The following NIPAL3 variants were observed in gnomAD, a reference collection of about 807,000 sequenced individuals.
NIPAL3 encodes the protein NIPA-like protein 3.
In NIPAL3, 41 loss-of-function variants were observed where a neutral mutation model predicts 47.2. That is an observed-to-expected ratio of 0.87 (90% CI 0.68 to 1.13). The LOEUF (loss-of-function observed/expected upper bound fraction) is 1.13. NIPAL3 is among the 50% of genes most tolerant of loss of function. The pLI is 0.00. For missense variants in NIPAL3, 449 were observed against 530.1 expected, an observed-to-expected ratio of 0.85 and a Z score of 1.50; for synonymous variants, 194 against 209.6, an observed-to-expected ratio of 0.93 and a Z score of 0.64.
rs1646890161 is a variant in NIPAL3 at position 24,471,217 on chromosome 1, A to G, written c.*2032A>G. 6.6e-6 allele frequency: 1 copy of G among 152,442 alleles called. No individual in the cohort carries two copies. Among genetic ancestry groups the G allele is most frequent in the Non-Finnish European group, 1.5e-5 (1 of 68,246 alleles). The allele number at this position is 152,442 out of a possible 1,614,324, so 9.4% of individuals were successfully genotyped here. On this transcript the variant is annotated 3_prime_UTR_variant, in exon 12 of 12. Coordinates refer to ENST00000374399, the MANE Select transcript of NIPAL3 (RefSeq NM_020448.5). ...GGGGCCAGCATTTGCAAAGGCACAG[A>G]GCTAAGAGGAGCTGGGCAAAGAAAG...
Position 24,451,739 on chromosome 1 carries a change from G to C in NIPAL3, c.541-1669G>C. Among the ~76,000 whole-genome samples, 1 of 152,008 alleles carries C rather than the reference G, an allele frequency of 6.6e-6. No individual in the cohort carries two copies. Among genetic ancestry groups the C allele is most frequent in the East Asian group, 1.9e-4 (1 of 5,180 alleles). On this transcript the variant is annotated intron_variant, in intron 6 of 11. Transcript: ENST00000374399. This position sits in a 1 kb window ranked among gnomAD's most constrained non-coding sequence, Gnocchi z 4.5. ...AAAGAAAAAAAAAATCATGGAGAAT[G>C]GCTGAAGAATTGGGACCCCTCAAAT...
intron 10 of NIPAL3, 89 bp downstream of exon 10, chr1:24,460,633 C>T (rs1646428201): frequency 9.1e-6 from 10 of 1,098,702 alleles, no homozygotes; most frequent in Non-Finnish European, 1.3e-5. Flanking sequence ...GCTACAGCCG[C>T]CCCATCCTTT....
At chr1:24,456,108 T>C in intron 7 of NIPAL3, 30 bp from the exon 8 acceptor site, 1 of 1,613,440 alleles carries the variant, frequency 6.2e-7, no homozygotes, top group South Asian at 1.1e-5. Context: ...TCCCTGAGGC[T>C]CCCCATTCGC....
intron 9 of NIPAL3, among the ~76,000 whole-genome samples, chr1:24,460,151 C>T (rs1024523985): frequency 1.3e-5 from 2 of 152,182 alleles, no homozygotes; most frequent in Non-Finnish European, 2.9e-5. Context: ...CGTTTTCCTG[C>T]TTTGATTATG....
chr1:24,466,295 T>C, intron 11 of NIPAL3: 1 of 420,928 alleles, frequency 2.4e-6, no homozygotes, highest in Non-Finnish European at 4.2e-6. Flanking sequence ...AAAAGGGTTT[T>C]TTTCCTAAAA....
chr1:24,420,892 T>C (rs1478892859), intron 2 of NIPAL3, among the ~76,000 whole-genome samples: 1 of 152,246 alleles, frequency 6.6e-6, no homozygotes, highest in Non-Finnish European at 1.5e-5. Flanking sequence ...GATATAGTCA[T>C]ATAGGTACAA....
intron 6 of NIPAL3, among the ~76,000 whole-genome samples, chr1:24,452,048 T>C (rs181279289): frequency 6.6e-6 from 1 of 152,308 alleles, no homozygotes; most frequent in African/African-American, 2.4e-5. Context: ...CCCATTAATG[T>C]TTCTGGGTTT....
At position 24,449,755 on chromosome 1, in the gene NIPAL3, C is replaced by G; in HGVS notation, c.540+129C>G. 1 of 1,020,420 alleles carries G rather than the reference C, an allele frequency of 9.8e-7. No individual in the cohort carries two copies. Among genetic ancestry groups the G allele is most frequent in the Non-Finnish European group, 1.4e-6 (1 of 711,148 alleles). The allele number at this position is 1,020,420 out of a possible 1,614,324, so 63.2% of individuals were successfully genotyped here. ...GGCACATTTTACCAGCATGAAAGAC[C>G]GTGCTTCTGGAGAGTACACAGCTCA... On this transcript the variant is annotated intron_variant, in intron 6 of 11. Transcript: ENST00000374399. This position sits in a 1 kb window ranked among gnomAD's most constrained non-coding sequence, Gnocchi z 4.5.
In NIPAL3 at chr1:24,454,299, C is replaced by G. The variant is rs1435712320; in HGVS notation, c.637+795C>G. 18 of 1,160,726 alleles carry G rather than the reference C, an allele frequency of 1.6e-5. No homozygotes were observed. Among genetic ancestry groups the G allele is most frequent in the Non-Finnish European group, 1.8e-5 (17 of 929,978 alleles). The allele number at this position is 1,160,726 out of a possible 1,614,324, so 71.9% of individuals were successfully genotyped here. A position where few individuals can be genotyped will look rare whatever the true frequency, so the allele number is the denominator to read the frequency against. ...AGGCTGGTGTCAGGGCTGGTGAAGCCTGCTACCGCGCTGCTCTTGAGTGGC... is the reference window on the plus strand; with the variant it reads ...AGGCTGGTGTCAGGGCTGGTGAAGCGTGCTACCGCGCTGCTCTTGAGTGGC... On this transcript the variant is annotated intron_variant, in intron 7 of 11. Coordinates refer to ENST00000374399, the MANE Select transcript of NIPAL3 (RefSeq NM_020448.5). This position sits in a 1 kb window ranked among gnomAD's most constrained non-coding sequence, Gnocchi z 4.1.
In NIPAL3 at chr1:24,419,462, A is replaced by G. The variant is rs1644211889; in HGVS notation, c.-86A>G. ...CTGCTGGAGGGAGGTGAACACCACA[A>G]GGAGAGATGGCATCTGGCCTGGGCC... On this transcript the variant is annotated 5_prime_UTR_variant, in exon 2 of 12. Transcript: ENST00000374399. The G allele has an allele frequency of 6.2e-6, 9 of 1,445,122 alleles. No homozygotes were observed. The highest frequency in any genetic ancestry group is 8.2e-6 in the Non-Finnish European group (9 of 1,095,738). The allele number at this position is 1,445,122 out of a possible 1,614,324, so 89.5% of individuals were successfully genotyped here.
At chr1:24,426,294 C>CTT (rs67874650) in intron 2 of NIPAL3, among the ~76,000 whole-genome samples, 1 of 145,940 alleles carries the variant, frequency 6.9e-6, no homozygotes, top group Non-Finnish European at 1.5e-5. Flanking sequence ...AAGAGTCTTC[C>CTT]TTTTTTTTTT....
intron 5 of NIPAL3, among the ~76,000 whole-genome samples, chr1:24,446,069 CGTGTGTGTGTGTGTGTGTGTG>C (rs1488612238): frequency 1.4e-5 from 2 of 147,736 alleles, no homozygotes; most frequent in East Asian, 2.0e-4. Flanking sequence ...AGATTATAGT[CGTGTGTGTGTGTGTGTGTGTG>C]TGTGTGTGTG....
At chr1:24,450,027 G>A (rs1292478124) in intron 6 of NIPAL3, among the ~76,000 whole-genome samples, 2 of 152,104 alleles carry the variant, frequency 1.3e-5, no homozygotes, top group Admixed American at 6.5e-5. Flanking sequence ...CTCCTCAAGT[G>A]CCCCCCAGCA....
At chr1:24,423,613 G>A (rs562176117) in intron 2 of NIPAL3, among the ~76,000 whole-genome samples, 16 of 152,156 alleles carry the variant, frequency 1.1e-4, no homozygotes, top group Non-Finnish European at 2.1e-4. Flanking sequence ...CTGGGGGACA[G>A]ATCGAGACTC....
At position 24,416,455 on chromosome 1, in the gene NIPAL3, A is replaced by G; in HGVS notation, c.-258+551A>G. ...GCGTGTTTTATTGATTTGTTCAGAAAGAGGCAAATTCGAATACAGACGCTA... is the reference window on the plus strand; with the variant it reads ...GCGTGTTTTATTGATTTGTTCAGAAGGAGGCAAATTCGAATACAGACGCTA... On this transcript the variant is annotated intron_variant, in intron 1 of 11. Transcript: ENST00000374399. This position sits in a 1 kb window ranked among gnomAD's most constrained non-coding sequence, Gnocchi z 4.8. 1.9e-6 allele frequency: 1 copy of G among 522,376 alleles called. No homozygotes were observed. The highest frequency in any genetic ancestry group is 2.5e-6 in the Non-Finnish European group (1 of 406,624). 32.4% of individuals were successfully genotyped at this position (522,376 alleles called of 1,614,324 possible). A position where few individuals can be genotyped will look rare whatever the true frequency, so the allele number is the denominator to read the frequency against.
chr1:24,434,989 A>G (rs1645034683), intron 2 of NIPAL3, among the ~76,000 whole-genome samples: 1 of 152,238 alleles, frequency 6.6e-6, no homozygotes, highest in Non-Finnish European at 1.5e-5. Context: ...AAGAACTCAT[A>G]CTTCTGATTT....
chr1:24,457,897 T>G, intron 8 of NIPAL3: 2 of 484,606 alleles, frequency 4.1e-6, no homozygotes, highest in Non-Finnish European at 8.5e-6. Context: ...TTATTTTTGG[T>G]CCCACTACAA....
chr1:24,464,221 G>T (rs890157561), intron 11 of NIPAL3, 101 bp downstream of exon 11: 2 of 812,662 alleles, frequency 2.5e-6, no homozygotes, highest in Admixed American at 3.0e-5. Context: ...TGCCTTTATC[G>T]TGTGACTGTT....
intron 2 of NIPAL3, among the ~76,000 whole-genome samples, chr1:24,420,673 T>C (rs999408136): frequency 1.3e-5 from 2 of 152,204 alleles, no homozygotes. Context: ...AACTTGACCT[T>C]ACTTGTGGAA....
Sources: allele counts gnomAD v4.1 joint callset (sites outside exome capture counted in the v4.1 genomes callset), GRCh38; gene constraint gnomAD v4.1.1; non-coding constraint Gnocchi (gnomAD v3.1); transcripts MANE v1.5; gene names NCBI Gene and HGNC (gene_info 2026-07-23, HGNC 2026-07-21).